APOD: variants seen among roughly 807,000 people sequenced by gnomAD.
APOD encodes apolipoprotein D, also known as apo-D.
A neutral mutation model predicts 20.4 loss-of-function variants in APOD; 22 were observed. The ratio of observed to expected loss-of-function variants is 1.08; its 90% CI spans 0.77 to 1.54. The LOEUF (loss-of-function observed/expected upper bound fraction) is 1.54, where lower values mean the gene tolerates loss of function less well. Among genes scored for constraint, APOD ranks in the 40% most tolerant of loss-of-function variants. The pLI is 0.00. For synonymous variants in APOD, 97 were observed against 92.4 expected (o/e 1.05, Z -0.29); for missense variants, 223 against 229.6 (o/e 0.97, Z 0.19).
intron 2 of APOD, chr3:195,577,161 TG>T: frequency 2.9e-6 from 1 of 349,470 alleles, no homozygotes; most frequent in Non-Finnish European, 5.5e-6. Context: ...CACTCCACCC[TG>T]GGTGACAAAG....
At chr3:195,580,701 G>A (rs949133649) in intron 1 of APOD, among the ~76,000 whole-genome samples, 4 of 152,144 alleles carry the variant, frequency 2.6e-5, no homozygotes, top group South Asian at 2.1e-4. Context: ...CACCGCACCC[G>A]GCCTGTTGAG....
intron 2 of APOD, among the ~76,000 whole-genome samples, chr3:195,575,017 G>A (rs1720226337): frequency 6.6e-6 from 1 of 152,236 alleles, no homozygotes; most frequent in Non-Finnish European, 1.5e-5. Flanking sequence ...TTGCAGTTGT[G>A]TAAGTCAGAA....
At chr3:195,575,891 G>A (rs1466413776) in intron 2 of APOD, among the ~76,000 whole-genome samples, 2 of 152,166 alleles carry the variant, frequency 1.3e-5, no homozygotes, top group African/African-American at 2.4e-5. Context: ...CTCCCAAAGT[G>A]CTGGGATTAC....
chr3:195,573,975 CAG>C lies in APOD; in HGVS notation c.124-6_124-5del. The C allele has an allele frequency of 1.2e-6, 2 of 1,613,774 alleles. No individual in the cohort carries two copies. The highest frequency in any genetic ancestry group is 2.7e-5 in the African/African-American group (2 of 75,048). On this transcript the variant is annotated splice_polypyrimidine_tract_variant and splice_region_variant and intron_variant, in intron 2 of 4. Coordinates refer to ENST00000343267, the MANE Select transcript of APOD (RefSeq NM_001647.4). ...TTTCGTACCATCTTCCGAGATACTG[CAG>C]AGACAACAAGCAGAGCAAAACCCTG... is the stretch of plus-strand genomic sequence containing the variant.
intron 2 of APOD, 63 bp from the exon 3 acceptor site, chr3:195,574,034 A>T (rs1720210994): frequency 1.9e-6 from 3 of 1,593,894 alleles, no homozygotes; most frequent in East Asian, 4.5e-5. Flanking sequence ...CTTCTTCCCC[A>T]TTGTCGTGCA....
intron 2 of APOD, 135 bp downstream of exon 2, chr3:195,579,204 T>C (rs1720293835): frequency 1.4e-6 from 2 of 1,416,118 alleles, no homozygotes; most frequent in Non-Finnish European, 1.9e-6. Flanking sequence ...ATGTCTGCTT[T>C]GGGGAAACCC....
rs5954 is a variant in APOD, at chr3:195,569,126, G to A, written c.344C>T (p.Ser115Leu). 4.2e-5 allele frequency: 67 copies of A among 1,613,858 alleles called. No homozygotes were observed. The highest frequency in any genetic ancestry group is 2.1e-4 in the South Asian group (19 of 91,066). ...GGTGGCCAGGATCCAGTACGGTGCC[G>A]ATGGCATAACTGAGAACCAGAGAGA... Reference protein sequence around the residue: ...LEVKFSWFMPSAPYWILATDY... With the variant: ...LEVKFSWFMPLAPYWILATDY... The change falls in exon 5 of 5, where the codon TCG (serine) becomes TTG (leucine). Residue 115 changes from serine to leucine, a missense_variant. Physicochemically the swap from Ser to Leu is moderately radical, Grantham distance 145. Coordinates refer to ENST00000343267, the MANE Select transcript of APOD (RefSeq NM_001647.4).
Position 195,579,423 on chromosome 3 carries a change from G to T in APOD, c.39C>A (p.Gly13=). The change falls in exon 2 of 5, where the codon GGC becomes GGA. Residue 13 remains glycine (G), a synonymous_variant. Transcript: ENST00000343267. ...CTTGTCCCTCTGCCGCACCGAAGAG[G>T]CCAGCCAGTGCGGAAAGCAGCAGCA... ...MLLLLLSALA[G]LFGAAEGQAF... 1 of 1,613,256 alleles carries T rather than the reference G, an allele frequency of 6.2e-7. No homozygotes were observed. Among genetic ancestry groups the T allele is most frequent in the Non-Finnish European group, 8.5e-7 (1 of 1,179,932 alleles).
At chr3:195,571,402 G>C in intron 3 of APOD, 37 bp from the exon 4 acceptor site, 6 of 1,528,272 alleles carry the variant, frequency 3.9e-6, no homozygotes, top group Non-Finnish European at 8.9e-7. Flanking sequence ...TACAAAAAAC[G>C]AAAAGAGAAA....
chr3:195,574,460 C>T (rs984516044), intron 2 of APOD, among the ~76,000 whole-genome samples: 11 of 152,116 alleles, frequency 7.2e-5, no homozygotes, highest in African/African-American at 2.7e-4. Flanking sequence ...TAGGGGCCTG[C>T]GCTCAGTCCA....
chr3:195,575,412 A>T (rs1169341226), intron 2 of APOD, among the ~76,000 whole-genome samples: 1 of 152,104 alleles, frequency 6.6e-6, no homozygotes, highest in African/African-American at 2.4e-5. Context: ...GGGCGTGGAC[A>T]CCTTTGGAAG....
rs1256725647 is a variant in APOD, at chr3:195,569,195, A to G, written c.335-60T>C. On this transcript the variant is annotated intron_variant, in intron 4 of 4. Transcript: ENST00000343267. ...AGAGGGCAAGAGAAATCTCAGGACA[A>G]CACAAGAAGGCTGGCCCAGACAACC... 2.7e-6 allele frequency: 4 copies of G among 1,470,972 alleles called. No individual in the cohort carries two copies. The African/African-American group carries it at 5.6e-5, about 20-fold the overall frequency. The allele number at this position is 1,470,972 out of a possible 1,614,324, so 91.1% of individuals were successfully genotyped here. A position where few individuals can be genotyped will look rare whatever the true frequency, so the allele number is the denominator to read the frequency against.
At chr3:195,573,733 G>C (rs536279217) in intron 3 of APOD, 117 bp downstream of exon 3, 161 of 1,316,074 alleles carry the variant, frequency 1.2e-4, no homozygotes, top group Admixed American at 1.8e-4. Context: ...TTCCTGCTAG[G>C]AGCAGGCAGT....
chr3:195,580,005 C>T (rs1333260503), intron 1 of APOD, among the ~76,000 whole-genome samples: 1 of 152,220 alleles, frequency 6.6e-6, no homozygotes, highest in Non-Finnish European at 1.5e-5. Context: ...ATCCCTCCCC[C>T]TGCCCTCGTC....
chr3:195,579,444 C>T lies in APOD; in HGVS notation c.18G>A (p.Leu6=). 1 of 1,613,656 alleles carries T rather than the reference C, an allele frequency of 6.2e-7. No individual in the cohort carries two copies. The highest frequency in any genetic ancestry group is 8.5e-7 in the Non-Finnish European group (1 of 1,180,024). ...AGAGGCCAGCCAGTGCGGAAAGCAG[C>T]AGCAGCAGCATCACCATCTTGGGGC... MVMLL[L]LLSALAGLFG... is the part of the protein sequence containing the mutation. Residue 6 remains leucine (L), a synonymous_variant, in exon 2 of 5, where the codon CTG becomes CTA. Transcript: ENST00000343267.
At chr3:195,575,523 A>G (rs1280405667) in intron 2 of APOD, among the ~76,000 whole-genome samples, 27 of 152,244 alleles carry the variant, frequency 1.8e-4, no homozygotes. Context: ...GCTACTGGGG[A>G]GGGAAACTGA....
Position 195,571,292 on chromosome 3 carries a change from C to T in APOD, c.319G>A (p.Val107Ile). 1 of 1,614,174 alleles carries T rather than the reference C, an allele frequency of 6.2e-7. No homozygotes were observed. The highest frequency in any genetic ancestry group is 8.5e-7 in the Non-Finnish European group (1 of 1,180,032). ...GGATACTTACACCAGGAAAACTTAA[C>T]TTCCAGCTTGGCAGGCTCTGTGAGG... ...VNLTEPAKLE[V>I]KFSWFMPSAP... Residue 107 changes from valine (V) to isoleucine (I), a missense_variant, in exon 4 of 5, where the codon GTT becomes ATT. By Grantham distance (29) the Val-to-Ile change is conservative (BLOSUM62 3). Transcript: ENST00000343267.
chr3:195,580,518 C>G (rs556945938), intron 1 of APOD, among the ~76,000 whole-genome samples: 1 of 152,142 alleles, frequency 6.6e-6, no homozygotes, highest in East Asian at 1.9e-4. Flanking sequence ...GATTCTCCTG[C>G]CTCAGACTCC....
At chr3:195,574,108 G>C in intron 2 of APOD, 137 bp from the exon 3 acceptor site, 1 of 1,206,764 alleles carries the variant, frequency 8.3e-7, no homozygotes, top group Admixed American at 2.6e-5. Context: ...GTGGCAACTG[G>C]GCAAGAGATT....
Sources: gnomAD v4.1 joint callset for allele counts (sites outside exome capture counted in the v4.1 genomes callset) on GRCh38, gnomAD v4.1.1 for gene constraint, MANE v1.5 for transcripts, NCBI Gene and HGNC (gene_info 2026-07-23, HGNC 2026-07-21) for gene names.